The following TJP1 variants were observed in gnomAD, a reference collection of about 807,000 sequenced individuals.
TJP1 encodes the protein tight junction protein ZO-1.
TJP1 carries 43 observed loss-of-function variants against 194.2 expected under a neutral mutation model. The ratio of observed to expected loss-of-function variants is 0.22; its 90% CI spans 0.17 to 0.29. The LOEUF (loss-of-function observed/expected upper bound fraction) is 0.29, where lower values mean the gene tolerates loss of function less well. Ranked by LOEUF, TJP1 falls within the 10% of genes least tolerant of loss-of-function variation. The pLI is 1.00. For synonymous variants in TJP1, 801 were observed against 779.0 expected (o/e 1.03, Z -0.47); for missense variants, 1,971 against 2,185.7 (o/e 0.90, Z 1.96).
At chr15:29,748,507 T>G (rs563487913) in intron 8 of TJP1, among the ~76,000 whole-genome samples, 1 of 151,902 alleles carries the variant, frequency 6.6e-6, no homozygotes, top group South Asian at 2.1e-4. Flanking sequence ...TGGCAATTAT[T>G]GAAAGAAATT....
chr15:29,847,998 A>G (rs887140884), intron 2 of TJP1, among the ~76,000 whole-genome samples: 1 of 151,702 alleles, frequency 6.6e-6, no homozygotes, highest in African/African-American at 2.4e-5. Flanking sequence ...TTTTATTTCC[A>G]CGTTTAAAGC....
At chr15:29,925,634 C>A (rs1479013947) in intron 2 of TJP1, among the ~76,000 whole-genome samples, 1 of 152,116 alleles carries the variant, frequency 6.6e-6, no homozygotes, top group African/African-American at 2.4e-5. Flanking sequence ...ATGGGCTGTT[C>A]TTAAAGGTAT....
At chr15:29,935,784 C>T (rs2054863501) in intron 2 of TJP1, among the ~76,000 whole-genome samples, 1 of 152,078 alleles carries the variant, frequency 6.6e-6, no homozygotes, top group Non-Finnish European at 1.5e-5. Flanking sequence ...ATTTCAATCA[C>T]CCTCTCACCT....
rs975574952 is a variant in TJP1, at chr15:29,779,367, A to G, written c.85-6010T>C. On this transcript the variant is annotated intron_variant, in intron 2 of 27. Coordinates refer to ENST00000614355, the MANE Select transcript of TJP1 (RefSeq NM_001330239.4). ...AACTAACTCACTTTTCCTTACCCCC[A>G]ATCTTTCTCCCCCACACCTTGGAGA... 5.3e-5 allele frequency among the ~76,000 whole-genome samples: 8 copies of G among 152,136 alleles called. No individual in the cohort carries two copies. In the East Asian group the frequency reaches 1.5e-3, roughly 29 times the overall value.
intron 2 of TJP1, among the ~76,000 whole-genome samples, chr15:29,792,616 C>A (rs1345891487): frequency 1.3e-5 from 2 of 152,172 alleles, no homozygotes; most frequent in East Asian, 3.8e-4. Context: ...GTTTTTCCAA[C>A]CCTAAAACAT....
chr15:29,799,542 G>C (rs1394962058), intron 2 of TJP1, among the ~76,000 whole-genome samples: 1 of 151,662 alleles, frequency 6.6e-6, no homozygotes, highest in Non-Finnish European at 1.5e-5. Flanking sequence ...AGCCTCCCGA[G>C]TAGCTGGGAC....
intron 2 of TJP1, among the ~76,000 whole-genome samples, chr15:29,949,844 A>T (rs1161989666): frequency 3.0e-5 from 1 of 33,112 alleles, no homozygotes; most frequent in Non-Finnish European, 5.1e-5. Context: ...CACCTCCACA[A>T]CCACCACCTC....
chr15:29,903,358 C>A (rs1204539677), intron 2 of TJP1, among the ~76,000 whole-genome samples: 2 of 152,108 alleles, frequency 1.3e-5, no homozygotes, highest in African/African-American at 4.8e-5. Flanking sequence ...CTTCTTGTCA[C>A]TTGGTAAAAC....
At chr15:29,830,135 C>T (rs11853814) in intron 2 of TJP1, among the ~76,000 whole-genome samples, 98,664 of 151,634 alleles carry the variant, frequency 0.65, 32,779 homozygotes, top group East Asian at 0.73. Flanking sequence ...TTTCCAATGA[C>T]ACTAGCATAT....
At chr15:29,734,959 GA>G (rs2043930247) in intron 11 of TJP1, among the ~76,000 whole-genome samples, 1 of 151,764 alleles carries the variant, frequency 6.6e-6, no homozygotes, top group Admixed American at 6.6e-5. Flanking sequence ...CAGTTTAGAT[GA>G]AAAAAGGTAA....
chr15:29,939,667 T>C (rs2055000232), intron 2 of TJP1, among the ~76,000 whole-genome samples: 1 of 152,212 alleles, frequency 6.6e-6, no homozygotes, highest in African/African-American at 2.4e-5. Flanking sequence ...GTTGAAATCC[T>C]AACCACAAAA....
Position 29,720,141 on chromosome 15 carries a change from T to C in TJP1, c.2764-125A>G, listed in dbSNP as rs554514590. The C allele has an allele frequency of 1.4e-4, 186 of 1,342,670 alleles. 3 individuals are homozygous for C. In the South Asian group the frequency reaches 2.6e-3, roughly 19 times the overall value. 83.2% of individuals were successfully genotyped at this position (1,342,670 alleles called of 1,614,324 possible). A position where few individuals can be genotyped will look rare whatever the true frequency, so the allele number is the denominator to read the frequency against. The stretch of plus-strand genomic sequence containing the variant: ...TGAATAACAAAATTATGACCTCATG[T>C]CCTAAACTTTTTGGGAAAAAAAAAA... On this transcript the variant is annotated intron_variant, in intron 19 of 27. Coordinates refer to ENST00000614355, the MANE Select transcript of TJP1 (RefSeq NM_001330239.4).
At chr15:29,717,638 T>A (rs760405372) in intron 22 of TJP1, among the ~76,000 whole-genome samples, 1 of 152,234 alleles carries the variant, frequency 6.6e-6, no homozygotes, top group Non-Finnish European at 1.5e-5. Context: ...GCATGCTCAC[T>A]AAATGATTTA....
At chr15:29,932,445 C>A (rs2054750169) in intron 2 of TJP1, among the ~76,000 whole-genome samples, 1 of 152,002 alleles carries the variant, frequency 6.6e-6, no homozygotes, top group Non-Finnish European at 1.5e-5. Context: ...AATAACAAAG[C>A]AATCTCTACT....
intron 2 of TJP1, among the ~76,000 whole-genome samples, chr15:29,858,347 G>A (rs1006070675): frequency 1.3e-5 from 2 of 152,094 alleles, no homozygotes; most frequent in South Asian, 2.1e-4. Context: ...GTTGCAATGA[G>A]CCGAAATTGC....
chr15:29,958,662 T>TAC (rs138733754), intron 1 of TJP1, among the ~76,000 whole-genome samples: 57 of 151,692 alleles, frequency 3.8e-4, no homozygotes, highest in Middle Eastern at 6.8e-3. Flanking sequence ...CACGTATATG[T>TAC]ACACACACAC....
chr15:29,865,664 A>G (rs529675982), intron 2 of TJP1, among the ~76,000 whole-genome samples: 20 of 152,334 alleles, frequency 1.3e-4, no homozygotes, highest in African/African-American at 4.1e-4. Flanking sequence ...TCTCCTGAGG[A>G]GGCTTGGAGC....
At chr15:29,888,671 T>C (rs919962994) in intron 2 of TJP1, among the ~76,000 whole-genome samples, 4 of 152,194 alleles carry the variant, frequency 2.6e-5, no homozygotes, top group Non-Finnish European at 5.9e-5. Context: ...AAAAGTTCTT[T>C]ATTGTTTCTA....
intron 1 of TJP1, among the ~76,000 whole-genome samples, chr15:29,817,756 T>G (rs970328482): frequency 2.0e-5 from 3 of 152,142 alleles, no homozygotes; most frequent in African/African-American, 7.2e-5. Flanking sequence ...ACACCACATG[T>G]TCTCACTCAT....
Sources: gnomAD v4.1 joint callset for allele counts (sites outside exome capture counted in the v4.1 genomes callset) on GRCh38, gnomAD v4.1.1 for gene constraint, MANE v1.5 for transcripts, NCBI Gene and HGNC (gene_info 2026-07-23, HGNC 2026-07-21) for gene names.